The following CA10 variants were observed in gnomAD, a reference collection of about 807,000 sequenced individuals.
The protein encoded by CA10 is carbonic anhydrase 10 (inactive), also known as carbonic anhydrase-related protein 10.
A neutral mutation model predicts 44.2 loss-of-function variants in CA10; 14 were observed. That is an observed-to-expected ratio of 0.32 (90% CI 0.21 to 0.50). The LOEUF (loss-of-function observed/expected upper bound fraction) is 0.50. Ranked by LOEUF, CA10 falls within the 20% of genes least tolerant of loss-of-function variation. The pLI is 0.99. For synonymous variants in CA10, 159 were observed against 141.6 expected (o/e 1.12, Z -0.87); for missense variants, 350 against 409.7 (o/e 0.85, Z 1.26).
chr17:51,780,406 T>G (rs907130844), intron 3 of CA10, among the ~76,000 whole-genome samples: 5 of 152,192 alleles, frequency 3.3e-5, no homozygotes, highest in Admixed American at 6.5e-5. Context: ...TTCCGAGTCT[T>G]GGCTTCCAGC....
intron 2 of CA10, among the ~76,000 whole-genome samples, chr17:52,020,694 GGTTT>G (rs1364475567): frequency 1.3e-5 from 2 of 151,866 alleles, no homozygotes; most frequent in Non-Finnish European, 2.9e-5. Context: ...TACATAAGTA[GGTTT>G]GTTACATGGA....
intron 3 of CA10, among the ~76,000 whole-genome samples, chr17:51,897,779 C>T (rs907220900): frequency 6.6e-6 from 1 of 152,058 alleles, no homozygotes; most frequent in Non-Finnish European, 1.5e-5. Flanking sequence ...AGATCTTTTA[C>T]CTCCCTGGTT....
chr17:51,693,811 T>C (rs1034153193), intron 4 of CA10, among the ~76,000 whole-genome samples: 3 of 152,100 alleles, frequency 2.0e-5, no homozygotes, highest in Admixed American at 2.0e-4. Context: ...AATAGAGGAG[T>C]GCATGTGTCT....
chr17:52,063,522 A>G (rs2907788), intron 2 of CA10, among the ~76,000 whole-genome samples: 12,669 of 152,250 alleles, frequency 0.083, 604 homozygotes, highest in South Asian at 0.16. Flanking sequence ...CAGATCCCTT[A>G]TGAATGGCTT....
At chr17:51,946,154 G>A (rs561042732) in intron 2 of CA10, among the ~76,000 whole-genome samples, 104 of 152,254 alleles carry the variant, frequency 6.8e-4, no homozygotes, top group African/African-American at 2.4e-3. Context: ...TGGGACAAGA[G>A]GAGCAATTGG....
intron 3 of CA10, among the ~76,000 whole-genome samples, chr17:51,777,295 G>C (rs1360813218): frequency 6.6e-6 from 1 of 152,180 alleles, no homozygotes; most frequent in Non-Finnish European, 1.5e-5. Flanking sequence ...AGATGGGCCA[G>C]CTGAGAGATC....
chr17:51,640,497 C>A (rs982434642), intron 6 of CA10, among the ~76,000 whole-genome samples: 2 of 152,140 alleles, frequency 1.3e-5, no homozygotes, highest in Non-Finnish European at 2.9e-5. Context: ...TGAGTCAGTG[C>A]GCATTTAACG....
chr17:52,072,450 G>A (rs1250219843), intron 1 of CA10, 57 bp from the exon 2 acceptor site: 4 of 1,275,796 alleles, frequency 3.1e-6, no homozygotes, highest in East Asian at 2.3e-5. Context: ...ACTGTGTCCC[G>A]GCTGTCCGAG....
chr17:52,087,227 G>A (rs1181866328), intron 1 of CA10, among the ~76,000 whole-genome samples: 2 of 152,286 alleles, frequency 1.3e-5, no homozygotes, highest in East Asian at 1.9e-4. Context: ...TGCAACCTCC[G>A]CCTCCTGGAT....
At chr17:51,651,645 G>A (rs1001263768) in intron 5 of CA10, among the ~76,000 whole-genome samples, 2 of 152,346 alleles carry the variant, frequency 1.3e-5, no homozygotes, top group South Asian at 4.1e-4. Flanking sequence ...GAACATTTCT[G>A]TAGGAGCTTG....
chr17:51,971,239 C>A (rs1158267104), intron 2 of CA10, among the ~76,000 whole-genome samples: 2 of 152,028 alleles, frequency 1.3e-5, no homozygotes, highest in African/African-American at 2.4e-5. Context: ...TTTACAGGCA[C>A]CTCCGAGCTT....
At chr17:51,970,031 C>T (rs1984223688) in intron 2 of CA10, among the ~76,000 whole-genome samples, 1 of 151,928 alleles carries the variant, frequency 6.6e-6, no homozygotes, top group African/African-American at 2.4e-5. Context: ...GAATAGCTAG[C>T]TCAAGGAGTG....
intron 2 of CA10, among the ~76,000 whole-genome samples, chr17:51,934,460 C>CA (rs1982784824): frequency 6.6e-6 from 1 of 152,120 alleles, no homozygotes; most frequent in Non-Finnish European, 1.5e-5. Flanking sequence ...CTTTTGCTAT[C>CA]ATTTCTCTTT....
At chr17:51,924,363 G>A (rs1318758317) in intron 3 of CA10, among the ~76,000 whole-genome samples, 1 of 152,154 alleles carries the variant, frequency 6.6e-6, no homozygotes, top group Non-Finnish European at 1.5e-5. Context: ...CTGTGGAAAG[G>A]AGATTTGGTG....
chr17:52,089,392 G>A (rs751181029), intron 1 of CA10, among the ~76,000 whole-genome samples: 8 of 152,136 alleles, frequency 5.3e-5, no homozygotes, highest in Non-Finnish European at 7.3e-5. Context: ...CCAAAAGTTA[G>A]CCAAGAGAAG....
chr17:51,863,342 C>G (rs1455063250), intron 3 of CA10, among the ~76,000 whole-genome samples: 1 of 152,198 alleles, frequency 6.6e-6, no homozygotes, highest in Non-Finnish European at 1.5e-5. Context: ...AAATCCAGCT[C>G]AAGTTTTACT....
intron 1 of CA10, among the ~76,000 whole-genome samples, chr17:52,079,789 G>C (rs543829656): frequency 6.6e-6 from 1 of 152,316 alleles, no homozygotes; most frequent in Non-Finnish European, 1.5e-5. Context: ...TTAGCACAAT[G>C]TGTTTCATTT....
chr17:51,713,709 C>T (rs554257694), intron 4 of CA10, among the ~76,000 whole-genome samples: 1 of 152,318 alleles, frequency 6.6e-6, no homozygotes, highest in Admixed American at 6.5e-5. Context: ...GTGCCTACTG[C>T]ATTTCCATAT....
chr17:51,718,520 A>G (rs1251366885), intron 4 of CA10, among the ~76,000 whole-genome samples: 2 of 152,138 alleles, frequency 1.3e-5, no homozygotes, highest in Non-Finnish European at 2.9e-5. Flanking sequence ...ACCTTGCCCT[A>G]TACAGTTATT....
Sources: allele counts gnomAD v4.1 joint callset (sites outside exome capture counted in the v4.1 genomes callset), GRCh38; gene constraint gnomAD v4.1.1; transcripts MANE v1.5; gene names NCBI Gene and HGNC (gene_info 2026-07-23, HGNC 2026-07-21).